Variants in MYO10 observed in about 807,000 individuals in gnomAD.
MYO10 encodes unconventional myosin-X.
MYO10 carries 133 observed loss-of-function variants against 257.3 expected under a neutral mutation model. That is an observed-to-expected ratio of 0.52 (90% CI 0.45 to 0.60). The LOEUF (loss-of-function observed/expected upper bound fraction) is 0.60. MYO10 is among the 20% of genes least tolerant of loss of function. MYO10 has a pLI of 0.00. For synonymous variants in MYO10, 1,104 were observed against 1,028.6 expected (o/e 1.07, Z -1.40); for missense variants, 2,399 against 2,635.7 (o/e 0.91, Z 1.97).
At chr5:16,758,461 G>A (rs1180702659) in intron 17 of MYO10, among the ~76,000 whole-genome samples, 1 of 152,222 alleles carries the variant, frequency 6.6e-6, no homozygotes, top group Non-Finnish European at 1.5e-5. Context: ...GGACTGGCAT[G>A]ACAGTGACAA....
chr5:16,811,322 A>G (rs1443969638), intron 3 of MYO10, among the ~76,000 whole-genome samples: 1 of 152,180 alleles, frequency 6.6e-6, no homozygotes. Flanking sequence ...TCTTTTAGAT[A>G]TTACAAAATG....
chr5:16,811,279 C>T (rs1742431564), intron 3 of MYO10, among the ~76,000 whole-genome samples: 1 of 152,070 alleles, frequency 6.6e-6, no homozygotes, highest in East Asian at 1.9e-4. Flanking sequence ...ATGCCAGTAG[C>T]GTCGCTTGAC....
At chr5:16,785,819 GA>G (rs1375844570) in intron 4 of MYO10, among the ~76,000 whole-genome samples, 7 of 152,038 alleles carry the variant, frequency 4.6e-5, no homozygotes, top group Admixed American at 4.6e-4. Context: ...GCAGTGAATG[GA>G]GATCACACCA....
Position 16,694,412 on chromosome 5 carries a change from G to A in MYO10, c.3759C>T (p.Ser1253=), listed in dbSNP as rs749891318. ...QSKLMYFEND[S]EEKLKGTVEV... ...CTACGGTGCCCTTGAGCTTCTCCTC[G>A]CTGTCGTTTTCAAAGTACATCAGCT... Residue 1253 remains serine, a synonymous_variant, in exon 27 of 41, where the codon AGC becomes AGT. Coordinates refer to ENST00000513610, the MANE Select transcript of MYO10 (RefSeq NM_012334.3). 12 of 1,613,890 alleles carry A rather than the reference G, an allele frequency of 7.4e-6. No homozygotes were observed. The highest frequency in any genetic ancestry group is 3.3e-4 in the Middle Eastern group (2 of 6,084).
chr5:16,885,192 C>CT (rs57492208), intron 1 of MYO10, among the ~76,000 whole-genome samples: 20,987 of 143,138 alleles, frequency 0.15, 1,936 homozygotes, highest in East Asian at 0.44. Context: ...GTCCACTCTG[C>CT]TTTTTTTTTT....
chr5:16,928,895 C>T (rs1230581048), intron 1 of MYO10, among the ~76,000 whole-genome samples: 1 of 151,354 alleles, frequency 6.6e-6, no homozygotes, highest in African/African-American at 2.4e-5. Context: ...TAGAAGGAAA[C>T]AGAAGGCGCT....
At chr5:16,809,916 C>A (rs931529911) in intron 3 of MYO10, among the ~76,000 whole-genome samples, 2 of 152,130 alleles carry the variant, frequency 1.3e-5, no homozygotes, top group African/African-American at 4.8e-5. Flanking sequence ...CAGCTCTCCC[C>A]GTGATGTGGT....
chr5:16,713,919 G>A (rs759393964), intron 19 of MYO10, among the ~76,000 whole-genome samples: 6 of 152,122 alleles, frequency 3.9e-5, no homozygotes, highest in Non-Finnish European at 7.3e-5. Flanking sequence ...GCAGTGTACC[G>A]ACAGGGAAGT....
chr5:16,846,583 G>C (rs1436333919), intron 2 of MYO10, among the ~76,000 whole-genome samples: 1 of 152,230 alleles, frequency 6.6e-6, no homozygotes, highest in Non-Finnish European at 1.5e-5. Context: ...TTGAGAAGGA[G>C]GGTGGCCACA....
At chr5:16,689,746 C>G (rs1308989740) in intron 28 of MYO10, 78 bp downstream of exon 28, 1 of 1,222,078 alleles carries the variant, frequency 8.2e-7, no homozygotes, top group East Asian at 2.3e-5. Flanking sequence ...GTACAGTAAA[C>G]AGTGCTCTGT....
intron 5 of MYO10, among the ~76,000 whole-genome samples, chr5:16,782,531 G>A (rs779287886): frequency 1.1e-4 from 17 of 152,138 alleles, no homozygotes; most frequent in African/African-American, 3.4e-4. Flanking sequence ...ACGCCACTGC[G>A]CCGTACACTG....
At chr5:16,855,150 T>C (rs1330234865) in intron 2 of MYO10, among the ~76,000 whole-genome samples, 3 of 152,198 alleles carry the variant, frequency 2.0e-5, no homozygotes, top group Non-Finnish European at 2.9e-5. Context: ...CTTTTCCTCT[T>C]GTAGCTAAAA....
In MYO10 at chr5:16,769,192, G is replaced by A. The variant is rs753947527; in HGVS notation, c.942C>T (p.Asp314=). The change falls in exon 10 of 41, where the codon GAC becomes GAT. Residue 314 remains aspartate (D), a synonymous_variant. Transcript: ENST00000513610. The stretch of plus-strand genomic sequence containing the variant: ...CTTCCTCCTTGCTGAACTGCATCAC[G>A]TCCATTGCCGTCTAGAAGAAAATAA... ...ESFREVITAM[D]VMQFSKEEVR... The A allele has an allele frequency of 5.0e-6, 8 of 1,605,522 alleles. No individual in the cohort carries two copies. The highest frequency in any genetic ancestry group is 1.6e-4 in the Middle Eastern group (1 of 6,064).
chr5:16,826,219 T>C (rs1394341583), intron 2 of MYO10, among the ~76,000 whole-genome samples: 1 of 151,640 alleles, frequency 6.6e-6, no homozygotes, highest in Non-Finnish European at 1.5e-5. Context: ...AAACATGGCC[T>C]TAGAATCATT....
In MYO10 at chr5:16,663,116, T is replaced by C. The variant is rs1472912472; in HGVS notation, c.*3576A>G. The stretch of plus-strand genomic sequence containing the variant: ...TATTAATGTAGGATTAGAGCTAAAA[T>C]ACTATGCTGAGAAAAAAGTAAGCTA... On this transcript the variant is annotated 3_prime_UTR_variant, in exon 41 of 41. Transcript: ENST00000513610. 6.6e-6 allele frequency: 1 copy of C among 152,162 alleles called. No homozygotes were observed. Among genetic ancestry groups the C allele is most frequent in the East Asian group, 1.9e-4 (1 of 5,194 alleles). 9.4% of individuals were successfully genotyped at this position (152,162 alleles called of 1,614,324 possible). A position where few individuals can be genotyped will look rare whatever the true frequency, so the allele number is the denominator to read the frequency against.
At chr5:16,860,678 A>G (rs1403409368) in intron 2 of MYO10, among the ~76,000 whole-genome samples, 2 of 152,122 alleles carry the variant, frequency 1.3e-5, no homozygotes, top group African/African-American at 4.8e-5. Flanking sequence ...GAAAATCAAG[A>G]GTAAGCAGAG....
chr5:16,922,884 A>G (rs1470757722), intron 1 of MYO10, among the ~76,000 whole-genome samples: 1 of 152,106 alleles, frequency 6.6e-6, no homozygotes, highest in Non-Finnish European at 1.5e-5. Context: ...TTTGAAAATT[A>G]GCCGGGCGAG....
chr5:16,697,602 G>C (rs2126539075), intron 26 of MYO10, among the ~76,000 whole-genome samples: 1 of 152,116 alleles, frequency 6.6e-6, no homozygotes, highest in South Asian at 2.1e-4. Context: ...GGAGGCTAAG[G>C]CAGGAGAATC....
intron 2 of MYO10, among the ~76,000 whole-genome samples, chr5:16,823,380 T>C (rs2126710337): frequency 8.0e-6 from 1 of 125,218 alleles, no homozygotes; most frequent in Non-Finnish European, 1.6e-5. Flanking sequence ...GGGGGGCAGA[T>C]GTTGTAGTGA....
Sources: gnomAD v4.1 joint callset for allele counts (sites outside exome capture counted in the v4.1 genomes callset) on GRCh38, gnomAD v4.1.1 for gene constraint, MANE v1.5 for transcripts, NCBI Gene and HGNC (gene_info 2026-07-23, HGNC 2026-07-21) for gene names.